CSMD1: variants seen among roughly 807,000 people sequenced by gnomAD.
CSMD1 encodes the protein CUB and Sushi multiple domains 1.
Under a neutral mutation model 417.5 loss-of-function variants are expected in CSMD1, and 213 were observed. The ratio of observed to expected loss-of-function variants is 0.51; its 90% CI spans 0.46 to 0.57. The LOEUF (loss-of-function observed/expected upper bound fraction) is 0.57, where lower values mean the gene tolerates loss of function less well. CSMD1 is among the 20% of genes least tolerant of loss of function. The pLI, the probability that CSMD1 is intolerant of heterozygous loss-of-function variation, is 0.00. For synonymous variants in CSMD1, 2,862 were observed against 1,736.8 expected (o/e 1.65, Z -16.11); for missense variants, 6,923 against 4,529.7 (o/e 1.53, Z -15.17).
At chr8:4,864,368 G>A (rs1044676678) in intron 1 of CSMD1, among the ~76,000 whole-genome samples, 8 of 151,796 alleles carry the variant, frequency 5.3e-5, no homozygotes, top group South Asian at 2.1e-4. Flanking sequence ...AAGTAATTAC[G>A]TAAAAATGTA....
chr8:4,282,457 A>G (rs1015899088), intron 3 of CSMD1, among the ~76,000 whole-genome samples: 3 of 152,150 alleles, frequency 2.0e-5, no homozygotes, highest in Non-Finnish European at 2.9e-5. Flanking sequence ...AGAGGACGGA[A>G]TGGTGCCATT....
chr8:3,771,916 T>G (rs1030439152), intron 5 of CSMD1, among the ~76,000 whole-genome samples: 1 of 151,890 alleles, frequency 6.6e-6, no homozygotes, highest in African/African-American at 2.4e-5. Flanking sequence ...AGGAGAAAAA[T>G]AGCCCACAGG....
At chr8:4,493,774 CCCTAAGAATAGTATTTA>C (rs1355548207) in intron 2 of CSMD1, among the ~76,000 whole-genome samples, 4 of 152,170 alleles carry the variant, frequency 2.6e-5, no homozygotes, top group Non-Finnish European at 4.4e-5. Context: ...TCAACTCTAT[CCCTAAGAATAGTATTTA>C]CTAAGCTGAG....
intron 3 of CSMD1, among the ~76,000 whole-genome samples, chr8:4,240,809 A>AT (rs921105493): frequency 3.3e-5 from 5 of 151,982 alleles, no homozygotes; most frequent in South Asian, 2.1e-4. Flanking sequence ...CATACTATCT[A>AT]TTTTTTTATT....
intron 2 of CSMD1, among the ~76,000 whole-genome samples, chr8:4,591,477 G>A (rs1177893331): frequency 6.6e-6 from 1 of 152,196 alleles, no homozygotes; most frequent in Non-Finnish European, 1.5e-5. Context: ...GAGCTATCGA[G>A]CTGTAAACCT....
At chr8:4,989,840 T>A (rs909912114) in intron 1 of CSMD1, among the ~76,000 whole-genome samples, 3 of 152,244 alleles carry the variant, frequency 2.0e-5, no homozygotes, top group Non-Finnish European at 4.4e-5. Flanking sequence ...TTTGTTTATC[T>A]GTTTCTTAAA....
At chr8:4,745,234 A>C (rs1271038758) in intron 1 of CSMD1, among the ~76,000 whole-genome samples, 1 of 152,198 alleles carries the variant, frequency 6.6e-6, no homozygotes, top group Non-Finnish European at 1.5e-5. Context: ...TTGTCTCAGC[A>C]GTTTTTGGTC....
chr8:3,526,268 C>G (rs1797749648), intron 10 of CSMD1, among the ~76,000 whole-genome samples: 1 of 151,944 alleles, frequency 6.6e-6, no homozygotes, highest in Non-Finnish European at 1.5e-5. Context: ...AAATATAAAG[C>G]TACCAAAAGA....
At chr8:3,860,502 A>C (rs1287541877) in intron 5 of CSMD1, among the ~76,000 whole-genome samples, 1 of 152,294 alleles carries the variant, frequency 6.6e-6, no homozygotes, top group African/African-American at 2.4e-5. Flanking sequence ...AAGTTCCTTT[A>C]TGCAAGGTAC....
chr8:4,033,341 C>G (rs998894174), intron 3 of CSMD1, among the ~76,000 whole-genome samples: 15 of 152,066 alleles, frequency 9.9e-5, no homozygotes, highest in Admixed American at 6.6e-4. Context: ...ACTTGGGAGG[C>G]TGAGGCAGGA....
chr8:4,098,858 A>C (rs1305118594), intron 3 of CSMD1, among the ~76,000 whole-genome samples: 1 of 152,200 alleles, frequency 6.6e-6, no homozygotes, highest in African/African-American at 2.4e-5. Flanking sequence ...TTGCTCACTC[A>C]TTCATTTATT....
intron 2 of CSMD1, among the ~76,000 whole-genome samples, chr8:4,588,393 CATAAAGACAGAGATAAAGAACTA>C (rs1189356165): frequency 3.2e-5 from 2 of 61,882 alleles, no homozygotes; most frequent in African/African-American, 1.1e-4. Context: ...AGAACTATCT[CATAAAGACAGAGATAAAGAACTA>C]TCTCTTCCTC....
intron 8 of CSMD1, among the ~76,000 whole-genome samples, chr8:3,591,075 C>A (rs1291568222): frequency 6.6e-6 from 1 of 152,150 alleles, no homozygotes; most frequent in Non-Finnish European, 1.5e-5. Flanking sequence ...TTACTTTAGT[C>A]CGCCCTAGAT....
chr8:3,874,191 A>T lies in CSMD1; in HGVS notation c.819-120149T>A, dbSNP rs146693553. Among the ~76,000 whole-genome samples the T allele has an allele frequency of 1.2e-3, 184 of 152,288 alleles. 1 individual carries two copies. Among genetic ancestry groups the T allele is most frequent in the African/African-American group, 4.3e-3 (178 of 41,558 alleles). On this transcript the variant is annotated intron_variant, in intron 5 of 69. Transcript: ENST00000635120. ...AAAGTGTAATTATCTAGTGTTCCAC[A>T]GCCATGGAGAAGACCTTCCTAACCT...
intron 1 of CSMD1, among the ~76,000 whole-genome samples, chr8:4,810,048 T>A (rs535311788): frequency 6.6e-6 from 1 of 152,342 alleles, no homozygotes; most frequent in South Asian, 2.1e-4. Flanking sequence ...ATATAAATGT[T>A]ATACAAAAAT....
At chr8:3,304,486 C>G (rs1028457982) in intron 25 of CSMD1, among the ~76,000 whole-genome samples, 4 of 151,994 alleles carry the variant, frequency 2.6e-5, no homozygotes, top group Non-Finnish European at 2.9e-5. Context: ...AAGAGTGGTT[C>G]AATCATCAAA....
chr8:3,700,804 G>A (rs1800816746), intron 7 of CSMD1, among the ~76,000 whole-genome samples: 1 of 152,136 alleles, frequency 6.6e-6, no homozygotes, highest in African/African-American at 2.4e-5. Context: ...TGGGAGCAAA[G>A]GAGTTCTTTG....
At chr8:3,361,413 G>T (rs1225083444) in intron 20 of CSMD1, among the ~76,000 whole-genome samples, 1 of 151,836 alleles carries the variant, frequency 6.6e-6, no homozygotes, top group East Asian at 1.9e-4. Context: ...TGGATCATGA[G>T]GTCAGGAGTT....
intron 5 of CSMD1, among the ~76,000 whole-genome samples, chr8:3,892,197 C>T (rs1404279246): frequency 1.3e-5 from 2 of 152,100 alleles, no homozygotes; most frequent in Non-Finnish European, 2.9e-5. Flanking sequence ...CAATGTGTAG[C>T]CCTATTTTAC....
Sources: allele counts gnomAD v4.1 joint callset (sites outside exome capture counted in the v4.1 genomes callset), GRCh38; gene constraint gnomAD v4.1.1; transcripts MANE v1.5; gene names NCBI Gene and HGNC (gene_info 2026-07-23, HGNC 2026-07-21).